ADCY10: variants seen among roughly 807,000 people sequenced by gnomAD.
The protein encoded by ADCY10 is adenylate cyclase 10.
ADCY10 carries 156 observed loss-of-function variants against 183.3 expected under a neutral mutation model. The ratio of observed to expected loss-of-function variants is 0.85; its 90% CI spans 0.75 to 0.97. The LOEUF (loss-of-function observed/expected upper bound fraction) is 0.97, where lower values mean the gene tolerates loss of function less well. Among genes scored for constraint, ADCY10 ranks in the 50% least tolerant of loss-of-function variants. The pLI is 0.00. For synonymous variants in ADCY10, 645 were observed against 670.0 expected (o/e 0.96, Z 0.58); for missense variants, 1,745 against 1,934.3 (o/e 0.90, Z 1.84).
intron 18 of ADCY10, among the ~76,000 whole-genome samples, chr1:167,850,316 C>T (rs3767455): frequency 0.065 from 9,792 of 151,700 alleles, 378 homozygotes; most frequent in South Asian, 0.1. Flanking sequence ...GGTGGTTGAG[C>T]GGGAGGATAA....
chr1:167,844,377 A>G (rs569680309), intron 21 of ADCY10, among the ~76,000 whole-genome samples: 1 of 152,306 alleles, frequency 6.6e-6, no homozygotes, highest in South Asian at 2.1e-4. Context: ...TTTCAACAAC[A>G]TGCTCGTCCC....
intron 26 of ADCY10, 78 bp from the exon 27 acceptor site, chr1:167,824,933 T>A: frequency 1.5e-6 from 2 of 1,349,324 alleles, no homozygotes; most frequent in Non-Finnish European, 2.1e-6. Context: ...TGTCTGCCAG[T>A]AAATGTTTGT....
In ADCY10 at chr1:167,850,697, G is replaced by GTGTGTGTGTGTGTA. The variant is rs1553267959; in HGVS notation, c.2309-2209_2309-2208insTACACACACACACA. On this transcript the variant is annotated intron_variant, in intron 18 of 32. Transcript: ENST00000367851. The stretch of plus-strand genomic sequence containing the variant: ...TGTGTGTGTGTGTGTGTGTGTGTGT[G>GTGTGTGTGTGTGTA]TGTGTGTGTGTTGGGAGTAGGAGAG... Among the ~76,000 whole-genome samples the GTGTGTGTGTGTGTA allele has an allele frequency of 6.7e-3, 953 of 142,330 alleles. 23 individuals are homozygous for GTGTGTGTGTGTGTA. The highest frequency in any genetic ancestry group is 0.024 in the African/African-American group (877 of 36,638). The allele number at this position is 142,330 out of a possible 152,430, so 93.4% of individuals were successfully genotyped here.
chr1:167,883,462 A>T lies in ADCY10; in HGVS notation c.995T>A (p.Ile332Asn). Residue 332 changes from isoleucine to asparagine, a missense_variant, in exon 9 of 33, where the codon ATC becomes AAC. Coordinates refer to ENST00000367851, the MANE Select transcript of ADCY10 (RefSeq NM_018417.6). ...TSVLKIFQGQINKVFMFDKGC... is the reference protein window; with the variant it reads ...TSVLKIFQGQNNKVFMFDKGC... ...CTTGTCAAACATGAAGACTTTATTG[A>T]TTTGGCCTTGGAAGATCTTCAGGAC... 1 of 1,614,138 alleles carries T rather than the reference A, an allele frequency of 6.2e-7. No homozygotes were observed. The highest frequency in any genetic ancestry group is 8.5e-7 in the Non-Finnish European group (1 of 1,180,022).
In ADCY10 at chr1:167,809,823, G is replaced by A. The variant is rs761411310; in HGVS notation, c.4688C>T (p.Thr1563Ile). Reference sequence around the variant, plus strand: ...CCATTGGTCTTCTTTTAACTCAGAGGTTGAGTACCATGATTCCTGAGAGGA... The same window carrying A: ...CCATTGGTCTTCTTTTAACTCAGAGATTGAGTACCATGATTCCTGAGAGGA... ...LNMNKESWYS[T>I]SELKEDQWLQ... The change falls in exon 33 of 33, where the codon ACC becomes ATC. Residue 1563 changes from threonine to isoleucine, a missense_variant. Transcript: ENST00000367851. 1 of 1,614,068 alleles carries A rather than the reference G, an allele frequency of 6.2e-7. No individual in the cohort carries two copies. Among genetic ancestry groups the A allele is most frequent in the Non-Finnish European group, 8.5e-7 (1 of 1,179,962 alleles).
intron 23 of ADCY10, chr1:167,834,451 A>C: frequency 3.1e-6 from 1 of 319,376 alleles, no homozygotes; most frequent in Non-Finnish European, 6.0e-6. Flanking sequence ...ACTTCCCTTG[A>C]ACAGCATCCC....
intron 30 of ADCY10, chr1:167,818,519 A>C: frequency 1.7e-6 from 1 of 574,310 alleles, no homozygotes; most frequent in Non-Finnish European, 3.2e-6. Flanking sequence ...ATTAGCCACC[A>C]TTGAACTCTT....
rs758002219 is a variant in ADCY10, at chr1:167,899,410, G to C, written c.642+13C>G. On this transcript the variant is annotated intron_variant, in intron 6 of 32. Coordinates refer to ENST00000367851, the MANE Select transcript of ADCY10 (RefSeq NM_018417.6). Reference sequence around the variant, plus strand: ...CTGGCAGAACTTTCTGTAAGTAGCAGCATCACACCCACCTTAACTGCTCTC... The same window carrying C: ...CTGGCAGAACTTTCTGTAAGTAGCACCATCACACCCACCTTAACTGCTCTC... The C allele has an allele frequency of 7.4e-6, 12 of 1,613,524 alleles. 2 individuals are homozygous for C. In the Admixed American group the frequency reaches 2.0e-4, roughly 27 times the overall value.
intron 15 of ADCY10, 93 bp from the exon 16 acceptor site, chr1:167,859,986 T>A: frequency 1.0e-6 from 1 of 956,572 alleles, no homozygotes; most frequent in Non-Finnish European, 1.7e-6. Context: ...AACTATTCTG[T>A]GTCTTAAAAT....
rs1370553429 is a variant in ADCY10 at position 167,837,308 on chromosome 1, C to A, written c.3018G>T (p.Lys1006Asn). The A allele has an allele frequency of 2.5e-6, 4 of 1,613,788 alleles. No homozygotes were observed. The highest frequency in any genetic ancestry group is 3.4e-6 in the Non-Finnish European group (4 of 1,179,820). The change falls in exon 22 of 33, where the codon AAG (lysine) becomes AAT (asparagine). Residue 1006 changes from lysine to asparagine, a missense_variant. Coordinates refer to ENST00000367851, the MANE Select transcript of ADCY10 (RefSeq NM_018417.6). ...GAATCTCTGAGTTGGACAAGATAAG[C>A]TTTTCTTCAGCTAGAAAATAAACAA... ...AMSHGFKTEEKLILSNSEIPE... is the reference protein window; with the variant it reads ...AMSHGFKTEENLILSNSEIPE...
chr1:167,874,775 A>T (rs938234084), intron 13 of ADCY10, among the ~76,000 whole-genome samples: 7 of 152,238 alleles, frequency 4.6e-5, no homozygotes, highest in African/African-American at 1.7e-4. Context: ...GGAATACTAC[A>T]TAGTAATGAC....
chr1:167,886,568 A>C (rs1258041006), intron 8 of ADCY10, among the ~76,000 whole-genome samples: 2 of 152,184 alleles, frequency 1.3e-5, no homozygotes, highest in Non-Finnish European at 1.5e-5. Context: ...TAAAGACTTA[A>C]ATGTTAGACC....
At chr1:167,869,864 C>G (rs1166412241) in intron 14 of ADCY10, among the ~76,000 whole-genome samples, 1 of 152,188 alleles carries the variant, frequency 6.6e-6, no homozygotes, top group East Asian at 1.9e-4. Context: ...TTCACTATCT[C>G]GGTGTCTGAG....
chr1:167,870,331 A>G lies in ADCY10; in HGVS notation c.1542T>C (p.Tyr514=). Residue 514 remains tyrosine, a synonymous_variant, in exon 14 of 33, where the codon TAT becomes TAC. Coordinates refer to ENST00000367851, the MANE Select transcript of ADCY10 (RefSeq NM_018417.6). ...TTTTTCCATATCCTGGTAATCCCTC[A>G]TACATTAAGACTTGGCTGCTGTTAG... The part of the protein sequence containing the change: ...LISNSSQVLM[Y]EGLPGYGKSQ... 1 of 1,614,014 alleles carries G rather than the reference A, an allele frequency of 6.2e-7. No homozygotes were observed. Among genetic ancestry groups the G allele is most frequent in the African/African-American group, 1.3e-5 (1 of 75,026 alleles).
chr1:167,855,150 A>G (rs560922206), intron 17 of ADCY10, among the ~76,000 whole-genome samples: 64 of 152,218 alleles, frequency 4.2e-4, no homozygotes, highest in African/African-American at 1.3e-3. Context: ...GAGAAACCTC[A>G]TCTCTACTAA....
In ADCY10 at chr1:167,856,327, A is replaced by G. The variant is rs1314829052; in HGVS notation, c.2009T>C (p.Met670Thr). 3 of 1,614,108 alleles carry G rather than the reference A, an allele frequency of 1.9e-6. No individual in the cohort carries two copies. The highest frequency in any genetic ancestry group is 1.3e-5 in the African/African-American group (1 of 75,048). Residue 670 changes from methionine (M) to threonine (T), a missense_variant, in exon 17 of 33, where the codon ATG (methionine) becomes ACG (threonine). Met to Thr is a moderately conservative substitution (Grantham distance 81). Transcript: ENST00000367851. The part of the protein sequence containing the change: ...LIRTLPIFII[M>T]SLCPFVNIPC... ...AATGTTAACGAAGGGACACAGGGAC[A>G]TAATGATGAAGATAGGAAGAGTCCG...
intron 21 of ADCY10, among the ~76,000 whole-genome samples, chr1:167,843,019 G>A (rs917638612): frequency 2.6e-5 from 4 of 152,118 alleles, no homozygotes; most frequent in African/African-American, 7.2e-5. Context: ...AAAGTTTGTC[G>A]AGTCGATAGC....
rs542985088 is a variant in ADCY10 at position 167,841,082 on chromosome 1, AGGCACCT to A, written c.3008-3771_3008-3765del. Among the ~76,000 whole-genome samples, 3 of 152,016 alleles carry A rather than the reference AGGCACCT, an allele frequency of 2.0e-5. No homozygotes were observed. In the South Asian group the frequency reaches 6.2e-4, roughly 32 times the overall value. ...CAGCCTCCTGAGTAGCTGGGGCTAC[AGGCACCT>A]GCCACCACACCCAGCTAATTTTTTT... On this transcript the variant is annotated intron_variant, in intron 21 of 32. Coordinates refer to ENST00000367851, the MANE Select transcript of ADCY10 (RefSeq NM_018417.6).
At chr1:167,830,707 T>G (rs1287665577) in intron 25 of ADCY10, among the ~76,000 whole-genome samples, 1 of 152,124 alleles carries the variant, frequency 6.6e-6, no homozygotes, top group East Asian at 1.9e-4. Context: ...AAATGAGCAT[T>G]TTTAACTATT....
Sources: allele counts gnomAD v4.1 joint callset (sites outside exome capture counted in the v4.1 genomes callset), GRCh38; gene constraint gnomAD v4.1.1; transcripts MANE v1.5; gene names NCBI Gene and HGNC (gene_info 2026-07-23, HGNC 2026-07-21).